MCM4: variants seen among roughly 807,000 people sequenced by gnomAD.
The protein encoded by MCM4 is DNA replication licensing factor MCM4.
A neutral mutation model predicts 88.7 loss-of-function variants in MCM4; 60 were observed. That is an observed-to-expected ratio of 0.68 (90% CI 0.55 to 0.84). The LOEUF is 0.84. Ranked by LOEUF, MCM4 falls within the 40% of genes least tolerant of loss-of-function variation. The pLI, the probability that MCM4 is intolerant of heterozygous loss-of-function variation, is 0.00. For synonymous variants in MCM4, 465 were observed against 410.5 expected (o/e 1.13, Z -1.61); for missense variants, 1,149 against 1,105.5 (o/e 1.04, Z -0.56).
At chr8:47,967,745 A>G (rs1331353339) in intron 10 of MCM4, among the ~76,000 whole-genome samples, 1 of 152,060 alleles carries the variant, frequency 6.6e-6, no homozygotes, top group Non-Finnish European at 1.5e-5. Context: ...GCCTCTTGAT[A>G]CCTCAGTATC....
intron 5 of MCM4, 71 bp downstream of exon 5, chr8:47,962,477 T>C: frequency 6.7e-7 from 1 of 1,482,030 alleles, no homozygotes; most frequent in South Asian, 1.2e-5. Context: ...ATAATCTATA[T>C]CTAAGTAGCC....
rs576023743 is a variant in MCM4 at position 47,968,259 on chromosome 8, C to T, written c.1174+774C>T. Among the ~76,000 whole-genome samples, 103 of 152,320 alleles carry T rather than the reference C, an allele frequency of 6.8e-4. 1 individual carries two copies. Among genetic ancestry groups the T allele is most frequent in the African/African-American group, 2.1e-3 (86 of 41,572 alleles). ...TGAGCGGAGGGCCTGGGGCACACCA[C>T]GCATCGGCTCTTGTCTTCAGTGAGG... On this transcript the variant is annotated intron_variant, in intron 10 of 16. Transcript: ENST00000649973.
At position 47,962,189 on chromosome 8, in the gene MCM4, C is replaced by T; in HGVS notation, c.372C>T (p.Gly124=). 1 of 1,614,158 alleles carries T rather than the reference C, an allele frequency of 6.2e-7. No individual in the cohort carries two copies. The highest frequency in any genetic ancestry group is 8.5e-7 in the Non-Finnish European group (1 of 1,180,038). The stretch of plus-strand genomic sequence containing the variant: ...CTGACCTGGGCTCTGCACAGAAGGG[C>T]CTGCAAGTGGATCTGCAGTCTGACG... ...QRPDLGSAQK[G]LQVDLQSDGA... The change falls in exon 4 of 17, where the codon GGC becomes GGT. Residue 124 remains glycine (G), a synonymous_variant. Transcript: ENST00000649973.
intron 10 of MCM4, among the ~76,000 whole-genome samples, chr8:47,968,793 G>T (rs2090924024): frequency 6.6e-6 from 1 of 152,228 alleles, no homozygotes; most frequent in African/African-American, 2.4e-5. Flanking sequence ...TCCAAAAGCT[G>T]CAGGAATCAG....
chr8:47,967,314 C>G (rs771157244), intron 9 of MCM4, 51 bp from the exon 10 acceptor site: 13 of 1,607,510 alleles, frequency 8.1e-6, no homozygotes, highest in African/African-American at 1.3e-5. Context: ...CAGATTTTGT[C>G]CCCCTGCCCT....
Position 47,975,862 on chromosome 8 carries a change from T to A in MCM4, c.2499+14T>A. The A allele has an allele frequency of 6.8e-7, 1 of 1,476,030 alleles. No individual in the cohort carries two copies. The highest frequency in any genetic ancestry group is 9.0e-7 in the Non-Finnish European group (1 of 1,116,588). The allele number at this position is 1,476,030 out of a possible 1,614,324, so 91.4% of individuals were successfully genotyped here. A position where few individuals can be genotyped will look rare whatever the true frequency, so the allele number is the denominator to read the frequency against. ...CAATCTGACATAGTAAGTGTTTATA[T>A]GTATTTTTTGTTTGATAGAGCTTTC... On this transcript the variant is annotated intron_variant, in intron 16 of 16. Transcript: ENST00000649973.
chr8:47,960,944 G>GT lies in MCM4; in HGVS notation c.-82dup. ...GCCGGCGGGAACTCTGGGTCTCGCG[G>GT]TTTGGGAGCGCTACTCGCCAGGTGG... On this transcript the variant is annotated 5_prime_UTR_variant, in exon 1 of 17. Coordinates refer to ENST00000649973, the MANE Select transcript of MCM4 (RefSeq NM_182746.3). 1.9e-6 allele frequency: 1 copy of GT among 536,460 alleles called. No homozygotes were observed. The highest frequency in any genetic ancestry group is 2.7e-5 in the South Asian group (1 of 37,310). 33.2% of individuals were successfully genotyped at this position (536,460 alleles called of 1,614,324 possible).
intron 13 of MCM4, among the ~76,000 whole-genome samples, chr8:47,972,483 A>G (rs2090962836): frequency 6.6e-6 from 1 of 152,130 alleles, no homozygotes; most frequent in South Asian, 2.1e-4. Context: ...GTGCTCAAGC[A>G]GTCTTTAGTA....
At chr8:47,975,479 G>A (rs1238225698) in intron 15 of MCM4, 2 of 307,360 alleles carry the variant, frequency 6.5e-6, no homozygotes, top group African/African-American at 4.3e-5. Context: ...TTTTAGAGAA[G>A]TTGTTTGTTT....
intron 16 of MCM4, among the ~76,000 whole-genome samples, chr8:47,976,174 T>G (rs2090998943): frequency 6.6e-6 from 1 of 151,682 alleles, no homozygotes; most frequent in Admixed American, 6.6e-5. Context: ...GCACCTGAAA[T>G]CCTAGCTACT....
At chr8:47,966,932 C>A (rs1439335906) in intron 9 of MCM4, among the ~76,000 whole-genome samples, 1 of 152,200 alleles carries the variant, frequency 6.6e-6, no homozygotes, top group Non-Finnish European at 1.5e-5. Flanking sequence ...ACTGCGTGTG[C>A]ATGGTTTCTT....
intron 15 of MCM4, chr8:47,975,459 T>A (rs1210487103): frequency 3.8e-6 from 1 of 262,718 alleles, no homozygotes; most frequent in Non-Finnish European, 7.1e-6. Context: ...TGGGAAGTTT[T>A]GTTAACCCAT....
intron 9 of MCM4, among the ~76,000 whole-genome samples, chr8:47,967,084 G>T (rs1305314422): frequency 2.6e-5 from 4 of 152,188 alleles, no homozygotes; most frequent in Non-Finnish European, 5.9e-5. Context: ...CTCTCAGAGG[G>T]TACCTGGTTT....
At chr8:47,965,385 A>T (rs1018119636) in intron 8 of MCM4, among the ~76,000 whole-genome samples, 2 of 152,164 alleles carry the variant, frequency 1.3e-5, no homozygotes, top group Admixed American at 1.3e-4. Flanking sequence ...TGACGGGCTT[A>T]CTTGAGCCTG....
chr8:47,976,292 CAAAAA>C (rs554025887), intron 16 of MCM4, among the ~76,000 whole-genome samples: 3 of 115,378 alleles, frequency 2.6e-5, no homozygotes, highest in South Asian at 2.6e-4. Flanking sequence ...AACTCCATCT[CAAAAA>C]AAAAAAAAAA....
Position 47,962,044 on chromosome 8 carries a change from T to A in MCM4, c.236-9T>A. On this transcript the variant is annotated splice_polypyrimidine_tract_variant and intron_variant, in intron 3 of 16. Coordinates refer to ENST00000649973, the MANE Select transcript of MCM4 (RefSeq NM_182746.3). The stretch of plus-strand genomic sequence containing the variant: ...ATGCCACCAGAATTTCCTAATTTTG[T>A]TTTTATAGCTATCCCTCTTGACTTT... The A allele has an allele frequency of 6.2e-7, 1 of 1,613,480 alleles. No individual in the cohort carries two copies.
Position 47,969,883 on chromosome 8 carries a change from T to G in MCM4, c.1260T>G (p.His420Gln). The G allele has an allele frequency of 6.2e-7, 1 of 1,614,220 alleles. No individual in the cohort carries two copies. Among genetic ancestry groups the G allele is most frequent in the Non-Finnish European group, 8.5e-7 (1 of 1,180,034 alleles). ...ACAAAACCCACATTGATGTCATTCA[T>G]TATCGGAAAACGGATGCAAAACGTC... ...SVYKTHIDVI[H>Q]YRKTDAKRLH... The change falls in exon 11 of 17, where the codon CAT (histidine) becomes CAG (glutamine). Residue 420 changes from histidine to glutamine, a missense_variant. By Grantham distance (24) the His-to-Gln change is conservative. Around this residue, in one of 3 missense-constraint regions of MCM4, gnomAD observed 906 missense variants for 843.0 expected, o/e 1.07. Transcript: ENST00000649973.
At chr8:47,972,114 C>T (rs1482795431) in intron 13 of MCM4, among the ~76,000 whole-genome samples, 1 of 151,764 alleles carries the variant, frequency 6.6e-6, no homozygotes, top group Non-Finnish European at 1.5e-5. Context: ...TGCCTGTAAT[C>T]CCAGCTACTC....
chr8:47,977,576 A>G lies in MCM4; in HGVS notation c.*798A>G, dbSNP rs756962896. 1 of 152,162 alleles carries G rather than the reference A, an allele frequency of 6.6e-6. No individual in the cohort carries two copies. The highest frequency in any genetic ancestry group is 1.5e-5 in the Non-Finnish European group (1 of 68,054). The allele number at this position is 152,162 out of a possible 1,614,324, so 9.4% of individuals were successfully genotyped here. A position where few individuals can be genotyped will look rare whatever the true frequency, so the allele number is the denominator to read the frequency against. On this transcript the variant is annotated 3_prime_UTR_variant, in exon 17 of 17. Coordinates refer to ENST00000649973, the MANE Select transcript of MCM4 (RefSeq NM_182746.3). ...AGTACACTGGTACAATCACGGCTCA[A>G]TGTAGGCTTAACCTCCTGGGCTCAG... is the stretch of plus-strand genomic sequence containing the variant.
Sources: allele counts gnomAD v4.1 joint callset (sites outside exome capture counted in the v4.1 genomes callset), GRCh38; gene constraint gnomAD v4.1.1; regional missense constraint gnomAD v4.1.1; transcripts MANE v1.5; gene names NCBI Gene and HGNC (gene_info 2026-07-23, HGNC 2026-07-21).